Variants in FBXO45 observed in about 807,000 individuals in gnomAD.
FBXO45 encodes the protein F-box protein 45.
Under a neutral mutation model 25.5 loss-of-function variants are expected in FBXO45, and 3 were observed. That is an observed-to-expected ratio of 0.12 (90% CI 0.05 to 0.30). The LOEUF is 0.30. Among genes scored for constraint, FBXO45 ranks in the 10% least tolerant of loss-of-function variants. The pLI is 1.00. For synonymous variants in FBXO45, 155 were observed against 149.8 expected, an observed-to-expected ratio of 1.03 and a Z score of -0.25; for missense variants, 219 against 365.0, an observed-to-expected ratio of 0.60 and a Z score of 3.26.
chr3:196,572,582 G>A (rs1735846913), intron 1 of FBXO45, among the ~76,000 whole-genome samples: 1 of 152,210 alleles, frequency 6.6e-6, no homozygotes, highest in African/African-American at 2.4e-5. Flanking sequence ...GGTGATGCTG[G>A]TTTGAGATAA....
Position 196,569,403 on chromosome 3 carries a change from C to T in FBXO45, c.318+101C>T. ...TTCTGAGTCAGAAGCTTCGCCTCAC[C>T]AGCCCGCCTTTCCACGGCTCCAGTC... is the stretch of plus-strand genomic sequence containing the variant. On this transcript the variant is annotated intron_variant, in intron 1 of 2. Transcript: ENST00000311630. The surrounding 1 kb of genome is among the most constrained non-coding windows in gnomAD (Gnocchi z 4.1). 2 of 1,200,834 alleles carry T rather than the reference C, an allele frequency of 1.7e-6. No individual in the cohort carries two copies. The highest frequency in any genetic ancestry group is 2.3e-6 in the Non-Finnish European group (2 of 878,772). 74.4% of individuals were successfully genotyped at this position (1,200,834 alleles called of 1,614,324 possible). A position where few individuals can be genotyped will look rare whatever the true frequency, so the allele number is the denominator to read the frequency against.
Position 196,586,002 on chromosome 3 carries a change from T to C in FBXO45, c.*1684T>C, listed in dbSNP as rs1166383463. On this transcript the variant is annotated 3_prime_UTR_variant, in exon 3 of 3. Coordinates refer to ENST00000311630, the MANE Select transcript of FBXO45 (RefSeq NM_001105573.2). ...AAGTATTTATTGTGTATTTGATACA[T>C]TGCTTGAAAAGATGAAATCTGTTAA... 1 of 152,226 alleles carries C rather than the reference T, an allele frequency of 6.6e-6. No homozygotes were observed. Among genetic ancestry groups the C allele is most frequent in the Non-Finnish European group, 1.5e-5 (1 of 68,036 alleles). 9.4% of individuals were successfully genotyped at this position (152,226 alleles called of 1,614,324 possible).
At chr3:196,570,462 C>G (rs1577593622) in intron 1 of FBXO45, among the ~76,000 whole-genome samples, 1 of 152,052 alleles carries the variant, frequency 6.6e-6, no homozygotes, top group Non-Finnish European at 1.5e-5. Context: ...GCCTCGAACT[C>G]CCGACCTCAG....
chr3:196,573,951 T>TTC (rs1735871874), intron 1 of FBXO45, among the ~76,000 whole-genome samples: 1 of 150,388 alleles, frequency 6.6e-6, no homozygotes, highest in Admixed American at 6.6e-5. Flanking sequence ...TTTTTTTTTT[T>TTC]TTTTGAGACA....
At chr3:196,580,648 T>C (rs2108728400) in intron 2 of FBXO45, among the ~76,000 whole-genome samples, 1 of 152,326 alleles carries the variant, frequency 6.6e-6, no homozygotes, top group Non-Finnish European at 1.5e-5. Context: ...TTTAAGTGTT[T>C]AGTTCATTTA....
intron 2 of FBXO45, among the ~76,000 whole-genome samples, chr3:196,583,042 G>A (rs2108729344): frequency 6.6e-6 from 1 of 151,756 alleles, no homozygotes. Context: ...CCCACCCCTG[G>A]TAAACTCTGC....
At position 196,584,594 on chromosome 3, in the gene FBXO45, G is replaced by C. The variant is rs978999668; in HGVS notation, c.*276G>C. 5 of 283,352 alleles carry C rather than the reference G, an allele frequency of 1.8e-5. No homozygotes were observed. The highest frequency in any genetic ancestry group is 8.8e-5 in the African/African-American group (4 of 45,306). The allele number at this position is 283,352 out of a possible 1,614,324, so 17.6% of individuals were successfully genotyped here. On this transcript the variant is annotated 3_prime_UTR_variant, in exon 3 of 3. Transcript: ENST00000311630. The surrounding 1 kb of genome is among the most constrained non-coding windows in gnomAD (Gnocchi z 4.3). ...CTAAGTTAGCAATGTGTTATTTCCA[G>C]CTTTAAAGGTGAGATTGTAGAGATG...
In FBXO45 at chr3:196,587,554, A is replaced by G. The variant is rs1259345817; in HGVS notation, c.*3236A>G. ...TAAAGAAACTACTACTGTATAATGA[A>G]CTTTTGTTTGTTTTTGGAGACAGGG... On this transcript the variant is annotated 3_prime_UTR_variant, in exon 3 of 3. Coordinates refer to ENST00000311630, the MANE Select transcript of FBXO45 (RefSeq NM_001105573.2). 1 of 152,192 alleles carries G rather than the reference A, an allele frequency of 6.6e-6. No individual in the cohort carries two copies. Among genetic ancestry groups the G allele is most frequent in the African/African-American group, 2.4e-5 (1 of 41,444 alleles). The allele number at this position is 152,192 out of a possible 1,614,324, so 9.4% of individuals were successfully genotyped here.
Position 196,586,901 on chromosome 3 carries a change from GAAAAA to G in FBXO45, c.*2590_*2594del. ...CTTGAGTTTTCTCATCTGCAAAATAGAAAAAAAAAAATCCTTGCTCCCTCCCTTCA... is the reference window on the plus strand; with the variant it reads ...CTTGAGTTTTCTCATCTGCAAAATAGAAAAAATCCTTGCTCCCTCCCTTCA... On this transcript the variant is annotated 3_prime_UTR_variant, in exon 3 of 3. Transcript: ENST00000311630. 6.7e-6 allele frequency: 1 copy of G among 148,466 alleles called. No homozygotes were observed. Among genetic ancestry groups the G allele is most frequent in the East Asian group, 1.9e-4 (1 of 5,154 alleles). 9.2% of individuals were successfully genotyped at this position (148,466 alleles called of 1,614,324 possible).
intron 2 of FBXO45, among the ~76,000 whole-genome samples, chr3:196,579,609 A>C (rs1735974647): frequency 6.6e-6 from 1 of 152,212 alleles, no homozygotes; most frequent in Non-Finnish European, 1.5e-5. Flanking sequence ...GAAAAAATGT[A>C]TATTCTTTTG....
At position 196,569,338 on chromosome 3, in the gene FBXO45, C is replaced by T; in HGVS notation, c.318+36C>T. ...CCCGGGCCACACCGCTGCCCCCAGT[C>T]CCGCTCCCCGGCGTCGTTCGCGGTG... On this transcript the variant is annotated intron_variant, in intron 1 of 2. Transcript: ENST00000311630. This position sits in a 1 kb window ranked among gnomAD's most constrained non-coding sequence, Gnocchi z 4.1. 1 of 1,442,440 alleles carries T rather than the reference C, an allele frequency of 6.9e-7. No homozygotes were observed. 89.4% of individuals were successfully genotyped at this position (1,442,440 alleles called of 1,614,324 possible). A position where few individuals can be genotyped will look rare whatever the true frequency, so the allele number is the denominator to read the frequency against.
At position 196,586,649 on chromosome 3, in the gene FBXO45, G is replaced by T. The variant is rs531947040; in HGVS notation, c.*2331G>T. The T allele has an allele frequency of 6.6e-6, 1 of 152,184 alleles. No individual in the cohort carries two copies. Among genetic ancestry groups the T allele is most frequent in the Non-Finnish European group, 1.5e-5 (1 of 68,046 alleles). 9.4% of individuals were successfully genotyped at this position (152,184 alleles called of 1,614,324 possible). A position where few individuals can be genotyped will look rare whatever the true frequency, so the allele number is the denominator to read the frequency against. ...GAGGAGAGCATTTCGGTAGAAGACA[G>T]TTGCGCCTGAAGATTGAGTGTAAAT... On this transcript the variant is annotated 3_prime_UTR_variant, in exon 3 of 3. Transcript: ENST00000311630.
Position 196,587,723 on chromosome 3 carries a change from A to T in FBXO45, c.*3405A>T, listed in dbSNP as rs568317745. ...ATCCCCAAACTATGTAGATTGTCATATTAATATTAATTTTTTTTTGTTATT... is the reference window on the plus strand; with the variant it reads ...ATCCCCAAACTATGTAGATTGTCATTTTAATATTAATTTTTTTTTGTTATT... On this transcript the variant is annotated 3_prime_UTR_variant, in exon 3 of 3. Coordinates refer to ENST00000311630, the MANE Select transcript of FBXO45 (RefSeq NM_001105573.2). The T allele has an allele frequency of 6.6e-6, 1 of 152,068 alleles. No individual in the cohort carries two copies. Among genetic ancestry groups the T allele is most frequent in the South Asian group, 2.1e-4 (1 of 4,814 alleles). The allele number at this position is 152,068 out of a possible 1,614,324, so 9.4% of individuals were successfully genotyped here. A position where few individuals can be genotyped will look rare whatever the true frequency, so the allele number is the denominator to read the frequency against.
chr3:196,570,204 T>G (rs933794766), intron 1 of FBXO45, among the ~76,000 whole-genome samples: 3 of 152,174 alleles, frequency 2.0e-5, no homozygotes, highest in South Asian at 2.1e-4. Context: ...GAAGATAAAG[T>G]CTGATTGCAA....
rs776200853 is a variant in FBXO45, at chr3:196,577,647, T to C, written c.513T>C (p.Ile171=). 8.7e-6 allele frequency: 14 copies of C among 1,613,620 alleles called. No individual in the cohort carries two copies. The highest frequency in any genetic ancestry group is 1.2e-5 in the Non-Finnish European group (14 of 1,179,754). Residue 171 remains isoleucine (I), a synonymous_variant, in exon 2 of 3, where the codon ATT becomes ATC. Transcript: ENST00000311630. ...GCCCTCTGGGCACTGTGGCAGTGAT[T>C]GGAATTGCCACAAAACGGGCCCCCA... ...WEGPLGTVAV[I]GIATKRAPMQ... is the part of the protein sequence containing the mutation.
intron 1 of FBXO45, among the ~76,000 whole-genome samples, chr3:196,571,065 G>A (rs1269466696): frequency 1.3e-5 from 2 of 152,196 alleles, no homozygotes; most frequent in African/African-American, 4.8e-5. Context: ...CTGTTTGTGC[G>A]TGGTGGCTAT....
intron 1 of FBXO45, among the ~76,000 whole-genome samples, chr3:196,572,105 TGAG>T (rs1010474251): frequency 2.6e-5 from 4 of 152,168 alleles, no homozygotes; most frequent in African/African-American, 4.8e-5. Flanking sequence ...ATTTTAAAGA[TGAG>T]GAGGAGTTTA....
chr3:196,583,051 G>T (rs1197182582), intron 2 of FBXO45, among the ~76,000 whole-genome samples: 1 of 151,826 alleles, frequency 6.6e-6, no homozygotes, highest in Admixed American at 6.6e-5. Flanking sequence ...GGTAAACTCT[G>T]CTCTACAACT....
chr3:196,570,528 C>T (rs564229916), intron 1 of FBXO45, among the ~76,000 whole-genome samples: 8 of 152,104 alleles, frequency 5.3e-5, no homozygotes, highest in South Asian at 2.1e-4. Context: ...TGAGCCACCG[C>T]GCGATAACAC....
Sources: allele counts gnomAD v4.1 joint callset (sites outside exome capture counted in the v4.1 genomes callset), GRCh38; gene constraint gnomAD v4.1.1; non-coding constraint Gnocchi (gnomAD v3.1); transcripts MANE v1.5; gene names NCBI Gene and HGNC (gene_info 2026-07-23, HGNC 2026-07-21).